The following GALNT11 variants were observed in gnomAD, a reference collection of about 807,000 sequenced individuals.
GALNT11 encodes the protein UDP-GalNAc:polypeptide N-acetylgalactosaminyltransferase 11.
Under a neutral mutation model 72.7 loss-of-function variants are expected in GALNT11, and 47 were observed. The ratio of observed to expected loss-of-function variants is 0.65; its 90% CI spans 0.51 to 0.82. The LOEUF (loss-of-function observed/expected upper bound fraction) is 0.82, where lower values mean the gene tolerates loss of function less well. Ranked by LOEUF, GALNT11 falls within the 40% of genes least tolerant of loss-of-function variation. The pLI is 0.00. For synonymous variants in GALNT11, 270 were observed against 286.6 expected, an observed-to-expected ratio of 0.94 and a Z score of 0.58; for missense variants, 677 against 778.4, an observed-to-expected ratio of 0.87 and a Z score of 1.55.
chr7:152,074,371 G>A (rs1276118747), intron 1 of GALNT11: 1 of 152,062 alleles, frequency 6.6e-6, no homozygotes, highest in Non-Finnish European at 1.5e-5. Flanking sequence ...AGTTTTCCCA[G>A]TATCATCTAT....
chr7:152,109,162 G>A (rs1254931266), intron 6 of GALNT11, among the ~76,000 whole-genome samples: 1 of 152,210 alleles, frequency 6.6e-6, no homozygotes, highest in Non-Finnish European at 1.5e-5. Context: ...CTCTATCCGG[G>A]ATTGCTCCCA....
intron 1 of GALNT11, among the ~76,000 whole-genome samples, chr7:152,032,547 T>C (rs2082354673): frequency 6.6e-6 from 1 of 152,234 alleles, no homozygotes; most frequent in Admixed American, 6.5e-5. Flanking sequence ...CAGGGACTGC[T>C]GCATTTCTTT....
At chr7:152,071,661 G>T (rs988154113) in intron 1 of GALNT11, among the ~76,000 whole-genome samples, 15 of 152,160 alleles carry the variant, frequency 9.9e-5, no homozygotes, top group Non-Finnish European at 1.3e-4. Context: ...TTGGGGAAGT[G>T]ATAAGTGTCC....
At chr7:152,055,520 C>A (rs1307909411) in intron 1 of GALNT11, among the ~76,000 whole-genome samples, 1 of 136,444 alleles carries the variant, frequency 7.3e-6, no homozygotes, top group East Asian at 2.2e-4. Flanking sequence ...ATATATAAAG[C>A]GTGTGTGTGT....
In GALNT11 at chr7:152,100,805, T is replaced by C; in HGVS notation, c.303T>C (p.Ile101=). The part of the protein sequence containing the change: ...HLKFSSELGM[I]FNERDQELRD... ...AACTTCACTCTTTTGCAGGTATGAT[T>C]TTTAATGAACGCGATCAAGAGTTGA... Residue 101 remains isoleucine (I), a synonymous_variant, in exon 3 of 12, where the codon ATT becomes ATC. Transcript: ENST00000430044. The C allele has an allele frequency of 6.2e-7, 1 of 1,613,724 alleles. No homozygotes were observed. The highest frequency in any genetic ancestry group is 8.5e-7 in the Non-Finnish European group (1 of 1,179,902).
intron 1 of GALNT11, among the ~76,000 whole-genome samples, chr7:152,026,440 A>G (rs1006786848): frequency 6.6e-6 from 1 of 152,180 alleles, no homozygotes; most frequent in African/African-American, 2.4e-5. Context: ...CCAGGAGGAA[A>G]TTCGCTGTGG....
intron 7 of GALNT11, among the ~76,000 whole-genome samples, chr7:152,112,350 C>A (rs533436676): frequency 1.7e-4 from 26 of 152,130 alleles, no homozygotes; most frequent in African/African-American, 5.8e-4. Flanking sequence ...ACCAGCCTGG[C>A]CAACATGGTG....
At chr7:152,051,535 A>T (rs1399741094) in intron 1 of GALNT11, among the ~76,000 whole-genome samples, 2 of 151,990 alleles carry the variant, frequency 1.3e-5, no homozygotes, top group Non-Finnish European at 2.9e-5. Flanking sequence ...TTATGAGAAC[A>T]GTTGGTTGGT....
chr7:152,043,149 T>A (rs1199969979), intron 1 of GALNT11, among the ~76,000 whole-genome samples: 1 of 152,234 alleles, frequency 6.6e-6, no homozygotes, highest in East Asian at 1.9e-4. Flanking sequence ...CTCCAGGCTT[T>A]GCTTTCCAGG....
intron 1 of GALNT11, among the ~76,000 whole-genome samples, chr7:152,035,039 G>A (rs974231205): frequency 6.6e-6 from 1 of 152,200 alleles, no homozygotes; most frequent in Non-Finnish European, 1.5e-5. Context: ...TCCTGAGGGA[G>A]GGGAGGGATC....
chr7:152,090,675 C>T (rs1016472522), intron 1 of GALNT11, among the ~76,000 whole-genome samples: 4 of 105,214 alleles, frequency 3.8e-5, no homozygotes, highest in Non-Finnish European at 8.7e-5. Context: ...CCCTGCATAG[C>T]TCTTCCCCAG....
At chr7:152,061,857 A>G (rs1007780926) in intron 1 of GALNT11, among the ~76,000 whole-genome samples, 48 of 152,166 alleles carry the variant, frequency 3.2e-4, no homozygotes, top group African/African-American at 1.2e-3. Context: ...TACCAGTACC[A>G]TGCTGTTTTG....
At chr7:152,090,511 T>G (rs2085942119) in intron 1 of GALNT11, among the ~76,000 whole-genome samples, 1 of 152,264 alleles carries the variant, frequency 6.6e-6, no homozygotes, top group African/African-American at 2.4e-5. Context: ...ATCTCTGTAG[T>G]GTTCATTTGC....
intron 1 of GALNT11, among the ~76,000 whole-genome samples, chr7:152,089,764 A>G (rs1393980258): frequency 6.6e-6 from 1 of 152,244 alleles, no homozygotes; most frequent in African/African-American, 2.4e-5. Flanking sequence ...AGGGCTTAAC[A>G]AAGAGTTATT....
intron 5 of GALNT11, among the ~76,000 whole-genome samples, chr7:152,106,000 T>C (rs531482879): frequency 6.9e-6 from 1 of 144,746 alleles, no homozygotes; most frequent in South Asian, 2.2e-4. Context: ...GCAGAAAATA[T>C]ATCTGGTTAG....
chr7:152,104,031 A>G (rs753434553), intron 4 of GALNT11: 3 of 152,226 alleles, frequency 2.0e-5, no homozygotes, highest in Non-Finnish European at 4.4e-5. Flanking sequence ...CATATTCTAT[A>G]TTCTGTACGC....
At position 152,094,692 on chromosome 7, in the gene GALNT11, A is replaced by G. The variant is rs1416011992; in HGVS notation, c.295+170A>G. ...GTTTCTGCAGACTCAGTGGGGAGTT[A>G]TATTCTAATTTATCCAGTTCTGACT... is the stretch of plus-strand genomic sequence containing the variant. On this transcript the variant is annotated intron_variant, in intron 2 of 11. Coordinates refer to ENST00000430044, the MANE Select transcript of GALNT11 (RefSeq NM_022087.4). This position sits in a 1 kb window ranked among gnomAD's most constrained non-coding sequence, Gnocchi z 4.3. 2.6e-5 allele frequency among the ~76,000 whole-genome samples: 4 copies of G among 152,246 alleles called. No homozygotes were observed. Among genetic ancestry groups the G allele is most frequent in the African/African-American group, 4.8e-5 (2 of 41,462 alleles).
Position 152,047,687 on chromosome 7 carries a change from C to CGTGTGTGTGTGTGTGTGTGTGT in GALNT11, c.-39+21805_-39+21826dup, listed in dbSNP as rs141152865. ...ACTCTAGCCTGGTCAACAGTGACAC[C>CGTGTGTGTGTGTGTGTGTGTGT]GTGTGTGTGTGTGTGTGTGTGTGCG... On this transcript the variant is annotated intron_variant, in intron 1 of 11. Transcript: ENST00000430044. Among the ~76,000 whole-genome samples, 335 of 147,124 alleles carry CGTGTGTGTGTGTGTGTGTGTGT rather than the reference C, an allele frequency of 2.3e-3. 2 individuals carry two copies. The highest frequency in any genetic ancestry group is 8.1e-3 in the African/African-American group (325 of 40,230).
intron 1 of GALNT11, among the ~76,000 whole-genome samples, chr7:152,042,708 G>T (rs2082924385): frequency 6.6e-6 from 1 of 152,048 alleles, no homozygotes. Context: ...CTATATAATT[G>T]TTCTGGAATT....
Sources: allele counts gnomAD v4.1 joint callset (sites outside exome capture counted in the v4.1 genomes callset), GRCh38; gene constraint gnomAD v4.1.1; non-coding constraint Gnocchi (gnomAD v3.1); transcripts MANE v1.5; gene names NCBI Gene and HGNC (gene_info 2026-07-23, HGNC 2026-07-21).